The following IFRD1 variants were observed in gnomAD, a reference collection of about 807,000 sequenced individuals.
IFRD1 encodes interferon-related developmental regulator 1.
Under a neutral mutation model 52.9 loss-of-function variants are expected in IFRD1, and 35 were observed. The ratio of observed to expected loss-of-function variants is 0.66; its 90% CI spans 0.51 to 0.88. The LOEUF (loss-of-function observed/expected upper bound fraction) is 0.88. Among genes scored for constraint, IFRD1 ranks in the 40% least tolerant of loss-of-function variants. IFRD1 has a pLI of 0.00. For synonymous variants in IFRD1, 184 were observed against 188.4 expected (o/e 0.98, Z 0.19); for missense variants, 517 against 550.8 (o/e 0.94, Z 0.61).
rs370836250 is a variant in IFRD1, at chr7:112,472,583, G to C, written c.1171-183G>C. Among the ~76,000 whole-genome samples the C allele has an allele frequency of 2.6e-4, 40 of 152,242 alleles. No homozygotes were observed. In the East Asian group the frequency reaches 5.6e-3, roughly 21 times the overall value. ...ATGTCTGTATGAAAGCAAATAGCTT[G>C]ACATAGCTGTCTTGGATTCAAGGCA... On this transcript the variant is annotated intron_variant, in intron 10 of 11. Transcript: ENST00000403825.
upstream of IFRD1, among the ~76,000 whole-genome samples, chr7:112,448,682 T>G (rs1795084015): frequency 6.6e-6 from 1 of 152,236 alleles, no homozygotes; most frequent in Non-Finnish European, 1.5e-5. Context: ...ATGTTGCCCA[T>G]TAAATAGCAT....
chr7:112,457,095 C>A, intron 4 of IFRD1, 57 bp downstream of exon 4: 12 of 1,568,528 alleles, frequency 7.7e-6, no homozygotes, highest in Non-Finnish European at 1.1e-5. Context: ...GTGTTATCTT[C>A]TTTTCAGTAA....
intron 8 of IFRD1, among the ~76,000 whole-genome samples, chr7:112,463,847 TTTATATAC>T (rs1795530406): frequency 3.3e-5 from 1 of 30,160 alleles, no homozygotes; most frequent in Admixed American, 3.6e-4. Context: ...TATATACACA[TTTATATAC>T]ACACACACAC....
chr7:112,436,761 T>C (rs1794704525), intron 1 of IFRD1, among the ~76,000 whole-genome samples: 1 of 152,162 alleles, frequency 6.6e-6, no homozygotes, highest in African/African-American at 2.4e-5. Flanking sequence ...TTATTATATA[T>C]GTGCCTATGT....
At chr7:112,472,424 G>T in intron 10 of IFRD1, 77 bp downstream of exon 10, 1 of 1,507,340 alleles carries the variant, frequency 6.6e-7, no homozygotes, top group Non-Finnish European at 9.2e-7. Flanking sequence ...ATTGGCTTTT[G>T]AAATTAATTA....
chr7:112,466,007 TG>T (rs1795599967), intron 8 of IFRD1, among the ~76,000 whole-genome samples: 1 of 152,166 alleles, frequency 6.6e-6, no homozygotes, highest in African/African-American at 2.4e-5. Flanking sequence ...AAACTTGGTA[TG>T]GAGAGCAGTA....
intron 8 of IFRD1, among the ~76,000 whole-genome samples, chr7:112,467,205 CA>C (rs1225373365): frequency 2.0e-5 from 3 of 152,122 alleles, no homozygotes; most frequent in African/African-American, 7.2e-5. Context: ...AAATGTTAAA[CA>C]TGTATGAATA....
chr7:112,434,418 G>A (rs567421016), intron 1 of IFRD1, among the ~76,000 whole-genome samples: 2 of 152,290 alleles, frequency 1.3e-5, no homozygotes, highest in East Asian at 1.9e-4. Flanking sequence ...AGATTTTTCT[G>A]TGGGCTAGCA....
chr7:112,423,585 CTT>C (rs1433015761), intron 1 of IFRD1, among the ~76,000 whole-genome samples: 1 of 152,056 alleles, frequency 6.6e-6, no homozygotes, highest in Non-Finnish European at 1.5e-5. Flanking sequence ...AGAAATCTTT[CTT>C]TGAGATTGAA....
intron 1 of IFRD1, chr7:112,451,919 T>G: frequency 1.4e-6 from 1 of 715,082 alleles, no homozygotes; most frequent in Non-Finnish European, 1.7e-6. Context: ...AAATATGGGG[T>G]TATGTTGTTA....
chr7:112,455,432 C>T (rs1477026559), intron 1 of IFRD1, among the ~76,000 whole-genome samples: 1 of 152,010 alleles, frequency 6.6e-6, no homozygotes, highest in Admixed American at 6.6e-5. Flanking sequence ...TTACAGTGAG[C>T]CAAGATTGTG....
intron 5 of IFRD1, among the ~76,000 whole-genome samples, chr7:112,460,829 A>G (rs1222088335): frequency 1.3e-5 from 2 of 152,226 alleles, no homozygotes; most frequent in African/African-American, 2.4e-5. Context: ...TAAAGCTTTA[A>G]TAATGCTTAG....
At chr7:112,450,447 C>G (rs1795123378), upstream of IFRD1, 10 of 558,862 alleles carry the variant, frequency 1.8e-5, no homozygotes, top group South Asian at 2.0e-4. Flanking sequence ...GGCGTCGTGG[C>G]CTCCCCTGCC....
intron 4 of IFRD1, among the ~76,000 whole-genome samples, chr7:112,458,518 T>A (rs1795350425): frequency 6.6e-6 from 1 of 152,166 alleles, no homozygotes; most frequent in African/African-American, 2.4e-5. Flanking sequence ...ATTAAGGAGT[T>A]TGAAGATAGA....
At chr7:112,442,658 T>C (rs185161428) in intron 1 of IFRD1, among the ~76,000 whole-genome samples, 33 of 152,272 alleles carry the variant, frequency 2.2e-4, no homozygotes. Context: ...CACCTCCAAA[T>C]GGGCTGAGAG....
upstream of IFRD1, among the ~76,000 whole-genome samples, chr7:112,449,751 C>A (rs1387808300): frequency 6.8e-6 from 1 of 146,256 alleles, no homozygotes; most frequent in Admixed American, 7.0e-5. Context: ...AACGCTGAAT[C>A]GTCATATATT....
intron 1 of IFRD1, among the ~76,000 whole-genome samples, chr7:112,428,910 C>A (rs1434975162): frequency 6.6e-6 from 1 of 152,184 alleles, no homozygotes; most frequent in Non-Finnish European, 1.5e-5. Flanking sequence ...TGTCAATCCT[C>A]TTCTCAAAAG....
chr7:112,475,402 T>A, intron 11 of IFRD1, 28 bp from the exon 12 acceptor site: 1 of 1,288,388 alleles, frequency 7.8e-7, no homozygotes, highest in Non-Finnish European at 1.1e-6. Context: ...GTCTTACTGA[T>A]GCACGTTTTT....
At chr7:112,471,000 G>A (rs1795730923) in intron 9 of IFRD1, among the ~76,000 whole-genome samples, 1 of 152,152 alleles carries the variant, frequency 6.6e-6, no homozygotes, top group Admixed American at 6.5e-5. Context: ...AGGGACAGAG[G>A]TTTGTCTGTT....
Sources: gnomAD v4.1 joint callset for allele counts (sites outside exome capture counted in the v4.1 genomes callset) on GRCh38, gnomAD v4.1.1 for gene constraint, MANE v1.5 for transcripts, NCBI Gene and HGNC (gene_info 2026-07-23, HGNC 2026-07-21) for gene names.